Variants in ELAPOR2 observed in about 807,000 individuals in gnomAD.
ELAPOR2 encodes the protein endosome/lysosome-associated apoptosis and autophagy regulator family member 2.
ELAPOR2 carries 89 observed loss-of-function variants against 120.7 expected under a neutral mutation model. The ratio of observed to expected loss-of-function variants is 0.74; its 90% confidence interval spans 0.62 to 0.88. The LOEUF (loss-of-function observed/expected upper bound fraction) is 0.88. Ranked by LOEUF, ELAPOR2 falls within the 40% of genes least tolerant of loss-of-function variation. The pLI is 0.00. For missense variants in ELAPOR2, 1,134 were observed against 1,251.6 expected, an observed-to-expected ratio of 0.91 and a Z score of 1.42; for synonymous variants, 444 against 444.9, an observed-to-expected ratio of 1.00 and a Z score of 0.03.
intron 1 of ELAPOR2, among the ~76,000 whole-genome samples, chr7:87,047,913 AAAC>A (rs1795000332): frequency 6.6e-6 from 1 of 152,216 alleles, no homozygotes; most frequent in Non-Finnish European, 1.5e-5. Context: ...TAAGATTTGG[AAAC>A]AACCTAAGTG....
intron 1 of ELAPOR2, among the ~76,000 whole-genome samples, chr7:87,041,458 T>G (rs1276700276): frequency 6.6e-6 from 1 of 151,960 alleles, no homozygotes; most frequent in East Asian, 1.9e-4. Context: ...GGGCCAATAT[T>G]CAACATTCTT....
At chr7:87,015,613 C>A (rs1793841329) in intron 1 of ELAPOR2, among the ~76,000 whole-genome samples, 1 of 151,964 alleles carries the variant, frequency 6.6e-6, no homozygotes, top group East Asian at 1.9e-4. Flanking sequence ...ATGGTGAAAC[C>A]CTGCCTCTAC....
At chr7:86,949,563 C>T (rs750675246) in intron 2 of ELAPOR2, among the ~76,000 whole-genome samples, 27 of 152,270 alleles carry the variant, frequency 1.8e-4, no homozygotes, top group Admixed American at 4.6e-4. Flanking sequence ...TGCAGCTACC[C>T]AAGCCATGGC....
intron 18 of ELAPOR2, among the ~76,000 whole-genome samples, chr7:86,900,164 AAC>A (rs1409859288): frequency 6.6e-6 from 1 of 152,138 alleles, no homozygotes; most frequent in Non-Finnish European, 1.5e-5. Context: ...GGAAATAAAA[AAC>A]AGTTTATCTT....
intron 5 of ELAPOR2, among the ~76,000 whole-genome samples, chr7:86,941,079 C>A (rs1790778244): frequency 6.6e-6 from 1 of 151,942 alleles, no homozygotes; most frequent in African/African-American, 2.4e-5. Flanking sequence ...GGATGAGGTA[C>A]CTGCTACAAC....
intron 1 of ELAPOR2, among the ~76,000 whole-genome samples, chr7:86,984,559 A>C (rs954099355): frequency 6.6e-6 from 1 of 152,240 alleles, no homozygotes; most frequent in Admixed American, 6.5e-5. Flanking sequence ...CTACGTGGAA[A>C]CTGAACAACC....
intron 2 of ELAPOR2, among the ~76,000 whole-genome samples, chr7:86,953,128 T>C (rs1344797751): frequency 6.6e-6 from 1 of 150,536 alleles, no homozygotes; most frequent in East Asian, 1.9e-4. Flanking sequence ...CAATTATTGA[T>C]AGTTTAATTC....
At chr7:86,975,546 C>T (rs554090854) in intron 1 of ELAPOR2, among the ~76,000 whole-genome samples, 32 of 152,292 alleles carry the variant, frequency 2.1e-4, no homozygotes, top group African/African-American at 7.5e-4. Context: ...ACATTAGACA[C>T]CTGCTGTTCT....
intron 2 of ELAPOR2, among the ~76,000 whole-genome samples, chr7:86,953,509 C>T (rs887747880): frequency 2.0e-5 from 3 of 152,144 alleles, no homozygotes; most frequent in African/African-American, 7.2e-5. Flanking sequence ...GCTACCTTGG[C>T]ATTTGTTCTT....
intron 1 of ELAPOR2, among the ~76,000 whole-genome samples, chr7:87,045,541 A>C (rs1289386781): frequency 7.0e-6 from 1 of 142,936 alleles, no homozygotes; most frequent in African/African-American, 2.6e-5. Context: ...TCTCACTCAT[A>C]GGTGGGAATT....
At chr7:87,000,708 A>G (rs1198620779) in intron 1 of ELAPOR2, among the ~76,000 whole-genome samples, 4 of 152,298 alleles carry the variant, frequency 2.6e-5, no homozygotes, top group Non-Finnish European at 5.9e-5. Flanking sequence ...AGGCATTATC[A>G]TTTCAGTGTT....
Position 86,922,394 on chromosome 7 carries a change from AT to A in ELAPOR2, c.1400-3085del, listed in dbSNP as rs747588060. ...TTTTGTATTTAAAAATCATACTTAT[AT>A]TTATCATAAAAATTTTAAATTTTAA... On this transcript the variant is annotated intron_variant, in intron 10 of 21. Transcript: ENST00000450689. Among the ~76,000 whole-genome samples, 3 of 151,754 alleles carry A rather than the reference AT, an allele frequency of 2.0e-5. No homozygotes were observed. The South Asian group carries it at 6.2e-4, about 32-fold the overall frequency.
intron 2 of ELAPOR2, among the ~76,000 whole-genome samples, chr7:86,957,160 T>A (rs1202922057): frequency 6.6e-6 from 1 of 152,226 alleles, no homozygotes; most frequent in Non-Finnish European, 1.5e-5. Context: ...TTCTAACCTT[T>A]CAGCTATCAC....
At chr7:86,994,833 T>C (rs1056907624) in intron 1 of ELAPOR2, among the ~76,000 whole-genome samples, 3 of 152,152 alleles carry the variant, frequency 2.0e-5, no homozygotes, top group African/African-American at 7.2e-5. Context: ...GAGACAGGGC[T>C]ACACTTCCTG....
chr7:86,989,802 A>AT (rs1271600944), intron 1 of ELAPOR2, among the ~76,000 whole-genome samples: 3 of 151,728 alleles, frequency 2.0e-5, no homozygotes, highest in Non-Finnish European at 4.4e-5. Flanking sequence ...TTATTTTTAT[A>AT]TTTTTTATAT....
chr7:86,906,064 C>A (rs971379258), intron 18 of ELAPOR2, among the ~76,000 whole-genome samples: 2 of 152,082 alleles, frequency 1.3e-5, no homozygotes, highest in Non-Finnish European at 1.5e-5. Flanking sequence ...GAGTTAGAGG[C>A]CTGGAGGAGG....
At chr7:87,039,598 C>G (rs1794696007) in intron 1 of ELAPOR2, among the ~76,000 whole-genome samples, 1 of 152,052 alleles carries the variant, frequency 6.6e-6, no homozygotes, top group Admixed American at 6.5e-5. Context: ...AAGGATAATT[C>G]AACATACGCA....
At chr7:86,896,573 T>A (rs1788448575) in intron 19 of ELAPOR2, among the ~76,000 whole-genome samples, 1 of 152,108 alleles carries the variant, frequency 6.6e-6, no homozygotes, top group African/African-American at 2.4e-5. Context: ...GTGCCCACTC[T>A]CCCTTCAGGT....
intron 1 of ELAPOR2, among the ~76,000 whole-genome samples, chr7:87,030,607 T>G (rs977696004): frequency 6.6e-6 from 1 of 152,198 alleles, no homozygotes; most frequent in Admixed American, 6.5e-5. Flanking sequence ...TAACCTAACT[T>G]GTGTAAACAG....
Sources: gnomAD v4.1 joint callset for allele counts (sites outside exome capture counted in the v4.1 genomes callset) on GRCh38, gnomAD v4.1.1 for gene constraint, MANE v1.5 for transcripts, NCBI Gene and HGNC (gene_info 2026-07-23, HGNC 2026-07-21) for gene names.